PCDH15: variants seen among roughly 807,000 people sequenced by gnomAD.
PCDH15 encodes the protein protocadherin-15.
Under a neutral mutation model 178.5 loss-of-function variants are expected in PCDH15, and 129 were observed. The ratio of observed to expected loss-of-function variants is 0.72; its 90% CI spans 0.63 to 0.84. The LOEUF (loss-of-function observed/expected upper bound fraction) is 0.84. PCDH15 is among the 40% of genes least tolerant of loss of function. The pLI is 0.00. For synonymous variants in PCDH15, 800 were observed against 732.0 expected (o/e 1.09, Z -1.50); for missense variants, 2,230 against 2,099.9 (o/e 1.06, Z -1.21).
chr10:54,207,380 G>GTA (rs1158132132), intron 10 of PCDH15, among the ~76,000 whole-genome samples: 2 of 147,686 alleles, frequency 1.4e-5, no homozygotes, highest in Non-Finnish European at 3.0e-5. Context: ...GTGTGTGTAT[G>GTA]TGTGTGTGTG....
At chr10:54,261,854 C>T (rs1457822291) in intron 8 of PCDH15, among the ~76,000 whole-genome samples, 2 of 151,978 alleles carry the variant, frequency 1.3e-5, no homozygotes, top group African/African-American at 2.4e-5. Flanking sequence ...GGAGAGGAAC[C>T]CAAATATCCA....
chr10:54,681,009 C>A (rs1320317586), intron 1 of PCDH15, among the ~76,000 whole-genome samples: 1 of 152,122 alleles, frequency 6.6e-6, no homozygotes, highest in East Asian at 1.9e-4. Flanking sequence ...AATCCCATAA[C>A]AGGGAAGCAG....
At chr10:55,042,402 G>A (rs917390257) in intron 2 of PCDH15, among the ~76,000 whole-genome samples, 4 of 152,150 alleles carry the variant, frequency 2.6e-5, no homozygotes, top group African/African-American at 9.6e-5. Flanking sequence ...TAATGAAGTG[G>A]TATTGGAGAG....
chr10:55,250,665 T>C (rs1841813046), intron 1 of PCDH15, among the ~76,000 whole-genome samples: 1 of 150,308 alleles, frequency 6.7e-6, no homozygotes. Flanking sequence ...CCCTCCCGAG[T>C]AGCTGGGATT....
chr10:54,405,092 G>A (rs35939944), intron 3 of PCDH15, among the ~76,000 whole-genome samples: 8,596 of 152,058 alleles, frequency 0.057, 284 homozygotes, highest in Admixed American at 0.099. Flanking sequence ...AAGAGAGTGT[G>A]GTGATTCCTC....
At chr10:55,160,133 T>G (rs2132112292) in intron 2 of PCDH15, among the ~76,000 whole-genome samples, 1 of 152,164 alleles carries the variant, frequency 6.6e-6, no homozygotes, top group African/African-American at 2.4e-5. Context: ...GGTCATAAAA[T>G]ATCAATGTAA....
intron 7 of PCDH15, among the ~76,000 whole-genome samples, chr10:54,329,232 G>T (rs1265229456): frequency 6.6e-6 from 1 of 151,756 alleles, no homozygotes; most frequent in East Asian, 1.9e-4. Context: ...CATCATCTGA[G>T]ATTTTTATTC....
chr10:55,020,061 A>T (rs909224809), intron 2 of PCDH15, among the ~76,000 whole-genome samples: 2 of 150,394 alleles, frequency 1.3e-5, no homozygotes, highest in African/African-American at 2.4e-5. Context: ...TTCCTCTCAA[A>T]GAAAATCGTA....
chr10:55,627,808 A>C (rs1490849014), intron 1 of PCDH15: 1 of 152,290 alleles, frequency 6.6e-6, no homozygotes, highest in Non-Finnish European at 1.5e-5. Flanking sequence ...TGGTGATCAA[A>C]ATCCAGTGTC....
intron 1 of PCDH15, among the ~76,000 whole-genome samples, chr10:55,211,920 C>G (rs1243717673): frequency 6.6e-6 from 1 of 150,830 alleles, no homozygotes; most frequent in African/African-American, 2.5e-5. Flanking sequence ...TCCCTTTTAA[C>G]AAAAAGCAGC....
chr10:54,918,963 C>A (rs1308941996), intron 2 of PCDH15, among the ~76,000 whole-genome samples: 1 of 152,096 alleles, frequency 6.6e-6, no homozygotes, highest in African/African-American at 2.4e-5. Context: ...GTGGGAGCTG[C>A]AACTTGCCAG....
chr10:54,565,492 A>C (rs1296226370), intron 2 of PCDH15, among the ~76,000 whole-genome samples: 1 of 152,164 alleles, frequency 6.6e-6, no homozygotes, highest in South Asian at 2.1e-4. Flanking sequence ...TTATAGGTTG[A>C]AACTTTTTAA....
At chr10:55,049,027 G>A (rs962932467) in intron 2 of PCDH15, among the ~76,000 whole-genome samples, 1 of 151,900 alleles carries the variant, frequency 6.6e-6, no homozygotes, top group African/African-American at 2.4e-5. Context: ...CTAAGACAGA[G>A]AGACCATTGC....
intron 1 of PCDH15, among the ~76,000 whole-genome samples, chr10:54,777,085 G>C (rs1478755579): frequency 6.6e-6 from 1 of 152,098 alleles, no homozygotes; most frequent in Non-Finnish European, 1.5e-5. Flanking sequence ...TGCTTTTTAA[G>C]AGATACCACG....
At chr10:54,699,154 A>G (rs558033276) in intron 1 of PCDH15, among the ~76,000 whole-genome samples, 37 of 152,256 alleles carry the variant, frequency 2.4e-4, no homozygotes, top group Non-Finnish European at 4.4e-4. Context: ...ATAACTTCAG[A>G]AAACATAATA....
intron 13 of PCDH15, among the ~76,000 whole-genome samples, chr10:54,174,702 C>G (rs796428983): frequency 2.4e-5 from 2 of 84,054 alleles, no homozygotes; most frequent in Admixed American, 1.7e-4. Flanking sequence ...TTTTTCTTTT[C>G]TTTTTTTTTT....
intron 36 of PCDH15, 86 bp downstream of exon 36, chr10:53,811,463 A>C: frequency 1.2e-6 from 1 of 831,884 alleles, no homozygotes; most frequent in South Asian, 2.3e-5. Context: ...ATTAAAAACA[A>C]ATTCTAGTAA....
At chr10:55,619,155 G>A (rs1405964480) in intron 2 of PCDH15, among the ~76,000 whole-genome samples, 1 of 151,656 alleles carries the variant, frequency 6.6e-6, no homozygotes, top group African/African-American at 2.4e-5. Flanking sequence ...TATTTCTTTT[G>A]GCTTATATAC....
At chr10:54,041,016 C>T (rs193126388) in intron 18 of PCDH15, among the ~76,000 whole-genome samples, 72 of 152,088 alleles carry the variant, frequency 4.7e-4, no homozygotes, top group Admixed American at 4.1e-3. Flanking sequence ...CTGAAGTAGA[C>T]GTATATGCTT....
Sources: allele counts gnomAD v4.1 joint callset (sites outside exome capture counted in the v4.1 genomes callset), GRCh38; gene constraint gnomAD v4.1.1; transcripts MANE v1.5; gene names NCBI Gene and HGNC (gene_info 2026-07-23, HGNC 2026-07-21).